The following CDH13 variants were observed in gnomAD, a reference collection of about 807,000 sequenced individuals.
CDH13 encodes the protein cadherin-13.
CDH13 carries 24 observed loss-of-function variants against 63.8 expected under a neutral mutation model. The ratio of observed to expected loss-of-function variants is 0.38; its 90% CI spans 0.27 to 0.53. The LOEUF (loss-of-function observed/expected upper bound fraction) is 0.53, where lower values mean the gene tolerates loss of function less well. CDH13 is among the 20% of genes least tolerant of loss of function. The probability of loss-of-function intolerance (pLI) is 0.85; values close to 1 mark genes in which losing one functional copy is unlikely to be tolerated. For synonymous variants in CDH13, 503 were observed against 355.3 expected (o/e 1.42, Z -4.67); for missense variants, 1,049 against 903.1 (o/e 1.16, Z -2.07).
intron 10 of CDH13, among the ~76,000 whole-genome samples, chr16:83,698,764 G>A (rs1368115908): frequency 6.6e-6 from 1 of 152,236 alleles, no homozygotes; most frequent in East Asian, 1.9e-4. Flanking sequence ...GAGCACGGTT[G>A]GCAAGTTTCT....
chr16:82,924,234 G>A lies in CDH13; in HGVS notation c.157+65761G>A, dbSNP rs191156051. Among the ~76,000 whole-genome samples, 322 of 152,198 alleles carry A rather than the reference G, an allele frequency of 2.1e-3. 3 individuals are homozygous for A. The highest frequency in any genetic ancestry group is 4.2e-3 in the Non-Finnish European group (283 of 68,012). ...GCAAAACAGAAGATAATGATCAAAG[G>A]ACTCCATGTCTATGTGGTTGCTTTA... On this transcript the variant is annotated intron_variant, in intron 2 of 13. Coordinates refer to ENST00000567109, the MANE Select transcript of CDH13 (RefSeq NM_001257.5).
intron 5 of CDH13, among the ~76,000 whole-genome samples, chr16:83,235,400 T>C (rs7201722): frequency 1 from 151,500 of 152,224 alleles, 75,393 homozygotes; most frequent in Non-Finnish European, 1. Context: ...AAAGCCCTAT[T>C]ATGTGAGCCT....
chr16:82,722,828 G>A (rs571263658), intron 1 of CDH13, among the ~76,000 whole-genome samples: 70 of 152,224 alleles, frequency 4.6e-4, no homozygotes, highest in Middle Eastern at 3.4e-3. Flanking sequence ...CCTTTTTCAC[G>A]TGAGCCCACC....
chr16:82,805,907 A>G (rs1358451566), intron 1 of CDH13, among the ~76,000 whole-genome samples: 2 of 152,192 alleles, frequency 1.3e-5, no homozygotes, highest in African/African-American at 2.4e-5. Context: ...CATGGTACGC[A>G]CATTTCTGTT....
intron 4 of CDH13, among the ~76,000 whole-genome samples, chr16:83,140,693 G>A (rs912574305): frequency 6.6e-6 from 1 of 152,190 alleles, no homozygotes; most frequent in African/African-American, 2.4e-5. Context: ...GACCTCAGGT[G>A]ATCCACCCGC....
rs553626472 is a variant in CDH13 at position 83,370,594 on chromosome 16, GT to G, written c.781+25595del. On this transcript the variant is annotated intron_variant, in intron 6 of 13. Transcript: ENST00000567109. Reference sequence around the variant, plus strand: ...TAATAAGCATGGTACCCTATAGGTAGTTTTTTTGTTCTCACCCTCTTCCCAC... The same window carrying G: ...TAATAAGCATGGTACCCTATAGGTAGTTTTTTGTTCTCACCCTCTTCCCAC... 2.5e-4 allele frequency among the ~76,000 whole-genome samples: 38 copies of G among 152,222 alleles called. No individual in the cohort carries two copies. In the East Asian group the frequency reaches 6.0e-3, roughly 24 times the overall value.
At chr16:83,135,673 G>A (rs544504219) in intron 4 of CDH13, among the ~76,000 whole-genome samples, 2 of 152,110 alleles carry the variant, frequency 1.3e-5, no homozygotes, top group East Asian at 1.9e-4. Context: ...CCCACTACTG[G>A]GTATCTACCC....
At chr16:82,863,160 TAG>T (rs1427863964) in intron 2 of CDH13, among the ~76,000 whole-genome samples, 1 of 152,046 alleles carries the variant, frequency 6.6e-6, no homozygotes, top group Non-Finnish European at 1.5e-5. Flanking sequence ...GAGACATAAA[TAG>T]AGACAGAAAT....
Position 83,670,817 on chromosome 16 carries a change from G to T in CDH13, c.1129G>T (p.Val377Leu). Residue 377 changes from valine (V) to leucine (L), a missense_variant, in exon 9 of 14, where the codon GTG becomes TTG. Val to Leu is a conservative substitution (Grantham distance 32, BLOSUM62 1). Transcript: ENST00000567109. ...TCAAGCCACAGTCGAGGAAGGAGCT[G>T]TGGGAGTTATTGTCAATTTGACAGT... ...EFQATVEEGA[V>L]GVIVNLTVED... 6.2e-7 allele frequency: 1 copy of T among 1,613,960 alleles called. No homozygotes were observed. The highest frequency in any genetic ancestry group is 8.5e-7 in the Non-Finnish European group (1 of 1,179,854).
chr16:83,682,986 C>T (rs1364811187), intron 10 of CDH13, among the ~76,000 whole-genome samples: 1 of 152,194 alleles, frequency 6.6e-6, no homozygotes, highest in Non-Finnish European at 1.5e-5. Context: ...AACTCCTGGG[C>T]CACGTCCTGC....
intron 1 of CDH13, among the ~76,000 whole-genome samples, chr16:82,667,340 G>T (rs1023838510): frequency 2.6e-5 from 4 of 152,206 alleles, no homozygotes; most frequent in Non-Finnish European, 4.4e-5. Flanking sequence ...GCGAAGGCGC[G>T]TACTGAGCTG....
intron 6 of CDH13, among the ~76,000 whole-genome samples, chr16:83,355,608 T>C (rs2091036199): frequency 6.6e-6 from 1 of 152,220 alleles, no homozygotes; most frequent in Admixed American, 6.5e-5. Flanking sequence ...TGAAAATGTA[T>C]TCATTCTTTC....
chr16:83,257,146 T>C (rs1196981445), intron 5 of CDH13, among the ~76,000 whole-genome samples: 2 of 152,088 alleles, frequency 1.3e-5, no homozygotes, highest in Non-Finnish European at 2.9e-5. Context: ...GGAAGGTTTC[T>C]TTGAAGAAGT....
intron 6 of CDH13, among the ~76,000 whole-genome samples, chr16:83,410,546 T>C (rs1187005997): frequency 6.6e-6 from 1 of 152,100 alleles, no homozygotes; most frequent in Non-Finnish European, 1.5e-5. Context: ...TTGAAGGCAA[T>C]ACCCACCCCC....
chr16:83,032,179 C>A lies in CDH13; in HGVS notation c.327C>A (p.Leu109=), dbSNP rs745840757. The A allele has an allele frequency of 1.2e-6, 2 of 1,613,618 alleles. No homozygotes were observed. The highest frequency in any genetic ancestry group is 1.7e-6 in the Non-Finnish European group (2 of 1,179,724). ...CCCATGCGGAAGATATGGCAGAACT[C>A]GTGATTGTCGGGGGGAAAGACATCC... is the stretch of plus-strand genomic sequence containing the variant. ...RTPHAEDMAE[L]VIVGGKDIQG... is the part of the protein sequence containing the mutation. The change falls in exon 3 of 14, where the codon CTC becomes CTA. Residue 109 remains leucine (L), a synonymous_variant. Coordinates refer to ENST00000567109, the MANE Select transcript of CDH13 (RefSeq NM_001257.5).
intron 1 of CDH13, among the ~76,000 whole-genome samples, chr16:82,675,815 G>T (rs1212784680): frequency 6.6e-6 from 1 of 152,160 alleles, no homozygotes; most frequent in Non-Finnish European, 1.5e-5. Context: ...TTAAAAAGTA[G>T]ACTTGAGGGA....
chr16:83,321,946 G>A (rs1009023151), intron 5 of CDH13, among the ~76,000 whole-genome samples: 5 of 152,212 alleles, frequency 3.3e-5, no homozygotes, highest in East Asian at 1.9e-4. Flanking sequence ...TGGAGCACTG[G>A]TAGGTGGGAG....
chr16:83,428,918 C>T (rs1448538537), intron 6 of CDH13, among the ~76,000 whole-genome samples: 1 of 152,212 alleles, frequency 6.6e-6, no homozygotes, highest in Admixed American at 6.5e-5. Context: ...CAATCCATTA[C>T]ATTTATCTTT....
At chr16:83,794,934 C>T (rs1176596442) in intron 13 of CDH13, 89 bp from the exon 14 acceptor site, 2 of 1,203,142 alleles carry the variant, frequency 1.7e-6, no homozygotes, top group Middle Eastern at 1.9e-4. Context: ...GTTTATTATA[C>T]CTTGCCTGTC....
Sources: allele counts gnomAD v4.1 joint callset (sites outside exome capture counted in the v4.1 genomes callset), GRCh38; gene constraint gnomAD v4.1.1; transcripts MANE v1.5; gene names NCBI Gene and HGNC (gene_info 2026-07-23, HGNC 2026-07-21).